The following HOOK3 variants were observed in gnomAD, a reference collection of about 807,000 sequenced individuals.
HOOK3 encodes the protein protein Hook homolog 3.
HOOK3 carries 24 observed loss-of-function variants against 116.3 expected under a neutral mutation model. That is an observed-to-expected ratio of 0.21 (90% CI 0.15 to 0.29). The LOEUF (loss-of-function observed/expected upper bound fraction) is 0.29. HOOK3 is among the 10% of genes least tolerant of loss of function. The probability of loss-of-function intolerance (pLI) is 1.00; values close to 1 mark genes in which losing one functional copy is unlikely to be tolerated. For missense variants in HOOK3, 632 were observed against 830.2 expected (o/e 0.76, Z 2.93); for synonymous variants, 275 against 283.0 (o/e 0.97, Z 0.28).
intron 5 of HOOK3, among the ~76,000 whole-genome samples, chr8:42,944,299 C>A (rs1563297767): frequency 6.6e-6 from 1 of 151,810 alleles, no homozygotes; most frequent in Admixed American, 6.6e-5. Context: ...TCCTGTAATC[C>A]CAGCTACTCA....
At chr8:42,946,710 A>G (rs569269254) in intron 5 of HOOK3, among the ~76,000 whole-genome samples, 188 of 139,738 alleles carry the variant, frequency 1.3e-3, no homozygotes, top group African/African-American at 4.8e-3. Flanking sequence ...AAAACAATAT[A>G]TTTCTTTTCT....
At chr8:42,969,749 T>C (rs1259165975) in intron 11 of HOOK3, among the ~76,000 whole-genome samples, 3 of 152,366 alleles carry the variant, frequency 2.0e-5, no homozygotes, top group East Asian at 1.9e-4. Context: ...ATTACAAATA[T>C]ATTTACTGAC....
At chr8:43,013,504 G>A in intron 21 of HOOK3, 104 bp downstream of exon 21, 1 of 925,968 alleles carries the variant, frequency 1.1e-6, no homozygotes, top group Non-Finnish European at 1.6e-6. Context: ...GAATCTGAAA[G>A]TAACTGCTAT....
intron 1 of HOOK3, among the ~76,000 whole-genome samples, chr8:42,900,902 C>T (rs931921227): frequency 1.3e-5 from 2 of 152,176 alleles, no homozygotes; most frequent in Non-Finnish European, 2.9e-5. Context: ...TAGGTCTGGG[C>T]TGGGCCTGAG....
At chr8:42,919,738 G>A (rs1052158412) in intron 2 of HOOK3, among the ~76,000 whole-genome samples, 4 of 152,210 alleles carry the variant, frequency 2.6e-5, no homozygotes, top group African/African-American at 7.2e-5. Flanking sequence ...GTCAGGAGCT[G>A]GAGACCAGCC....
chr8:43,013,510 G>C, intron 21 of HOOK3, 110 bp downstream of exon 21: 1 of 878,524 alleles, frequency 1.1e-6, no homozygotes, highest in Non-Finnish European at 1.7e-6. Context: ...GAAAGTAACT[G>C]CTATCCTAAC....
At position 43,023,924 on chromosome 8, in the gene HOOK3, T is replaced by A. The variant is rs1376624925; in HGVS notation, c.*5426T>A. The A allele has an allele frequency of 1.0e-5, 2 of 199,850 alleles. No homozygotes were observed. The highest frequency in any genetic ancestry group is 2.1e-5 in the Non-Finnish European group (2 of 96,986). The allele number at this position is 199,850 out of a possible 1,614,324, so 12.4% of individuals were successfully genotyped here. A position where few individuals can be genotyped will look rare whatever the true frequency, so the allele number is the denominator to read the frequency against. On this transcript the variant is annotated 3_prime_UTR_variant, in exon 22 of 22. Coordinates refer to ENST00000307602, the MANE Select transcript of HOOK3 (RefSeq NM_032410.4). ...AGTCTTTATCCCAATATAAGAATTA[T>A]CTTGAAACAAAAATCTAAATTACTT...
intron 18 of HOOK3, 31 bp from the exon 19 acceptor site, chr8:43,010,274 A>G: frequency 1.9e-6 from 1 of 524,568 alleles, no homozygotes; most frequent in Non-Finnish European, 2.8e-6. Context: ...TATTATCTAA[A>G]TATATATATT....
chr8:42,957,031 A>G, intron 6 of HOOK3, 63 bp from the exon 7 acceptor site: 2 of 831,998 alleles, frequency 2.4e-6, no homozygotes, highest in Admixed American at 2.4e-5. Context: ...TTCTTATGTT[A>G]AGTATTTTAT....
chr8:42,912,495 C>T (rs1244245480), intron 2 of HOOK3, among the ~76,000 whole-genome samples: 1 of 152,124 alleles, frequency 6.6e-6, no homozygotes. Context: ...TGAAAAAGTT[C>T]TGGAGATGGG....
intron 8 of HOOK3, among the ~76,000 whole-genome samples, chr8:42,962,514 C>T (rs544947618): frequency 6.6e-6 from 1 of 151,282 alleles, no homozygotes; most frequent in Non-Finnish European, 1.5e-5. Context: ...TCGAGTGATC[C>T]TCCTGCCTCA....
intron 1 of HOOK3, among the ~76,000 whole-genome samples, chr8:42,898,326 A>C (rs1807097613): frequency 6.6e-6 from 1 of 152,232 alleles, no homozygotes; most frequent in Non-Finnish European, 1.5e-5. Context: ...ATATCAGACC[A>C]TTTAGGGGAT....
chr8:43,005,180 G>GCTCT (rs577303409), intron 17 of HOOK3, among the ~76,000 whole-genome samples: 7,379 of 113,172 alleles, frequency 0.065, 276 homozygotes, highest in African/African-American at 0.073. Flanking sequence ...AAAATTAAGT[G>GCTCT]CTCTCTCTCT....
chr8:42,897,276 G>C, intron 1 of HOOK3, 88 bp downstream of exon 1: 1 of 937,598 alleles, frequency 1.1e-6, no homozygotes, highest in Non-Finnish European at 1.4e-6. Context: ...GGCGAGCGCT[G>C]CGGGCGACGG....
chr8:42,978,123 A>C (rs1457474359), intron 13 of HOOK3, among the ~76,000 whole-genome samples: 1 of 152,224 alleles, frequency 6.6e-6, no homozygotes, highest in Non-Finnish European at 1.5e-5. Flanking sequence ...CTTAAATGCA[A>C]AGCACTCCGC....
At chr8:42,939,654 C>T (rs1808060804) in intron 4 of HOOK3, among the ~76,000 whole-genome samples, 1 of 150,828 alleles carries the variant, frequency 6.6e-6, no homozygotes, top group South Asian at 2.1e-4. Flanking sequence ...GACGGGGTGG[C>T]TGCCGGGCAG....
At chr8:42,911,217 C>A (rs147445452) in intron 2 of HOOK3, among the ~76,000 whole-genome samples, 3 of 152,078 alleles carry the variant, frequency 2.0e-5, no homozygotes, top group African/African-American at 4.8e-5. Flanking sequence ...TTTGGGAGGC[C>A]GAGGCGGGTG....
intron 4 of HOOK3, among the ~76,000 whole-genome samples, chr8:42,937,634 C>T (rs1807998680): frequency 6.6e-6 from 1 of 152,092 alleles, no homozygotes; most frequent in Admixed American, 6.6e-5. Flanking sequence ...TTTCTGCCTT[C>T]ATTTCATTAT....
intron 15 of HOOK3, among the ~76,000 whole-genome samples, chr8:42,988,497 A>G (rs182581807): frequency 6.6e-4 from 101 of 152,314 alleles, no homozygotes; most frequent in Admixed American, 3.1e-3. Context: ...TACAGTGTCC[A>G]TGTCTGTGGA....
Sources: allele counts gnomAD v4.1 joint callset (sites outside exome capture counted in the v4.1 genomes callset), GRCh38; gene constraint gnomAD v4.1.1; transcripts MANE v1.5; gene names NCBI Gene and HGNC (gene_info 2026-07-23, HGNC 2026-07-21).